The following GALNT17 variants were observed in gnomAD, a reference collection of about 807,000 sequenced individuals.
The protein encoded by GALNT17 is UDP-GalNAc:polypeptide N-acetylgalactosaminyltransferase-like 3.
GALNT17 carries 29 observed loss-of-function variants against 63.7 expected under a neutral mutation model. The ratio of observed to expected loss-of-function variants is 0.46; its 90% CI spans 0.34 to 0.62. GALNT17 has a LOEUF of 0.62. Ranked by LOEUF, GALNT17 falls within the 20% of genes least tolerant of loss-of-function variation. GALNT17 has a pLI of 0.01. For missense variants in GALNT17, 603 were observed against 799.6 expected (o/e 0.75, Z 2.97); for synonymous variants, 305 against 318.3 (o/e 0.96, Z 0.45).
chr7:71,280,391 G>A (rs1790759123), intron 1 of GALNT17, among the ~76,000 whole-genome samples: 1 of 152,110 alleles, frequency 6.6e-6, no homozygotes, highest in African/African-American at 2.4e-5. Flanking sequence ...TGTGGCATAG[G>A]GGATTATGTC....
chr7:71,638,852 G>T (rs539102301), intron 6 of GALNT17, among the ~76,000 whole-genome samples: 2 of 152,248 alleles, frequency 1.3e-5, no homozygotes, highest in East Asian at 1.9e-4. Flanking sequence ...ACATCGCATG[G>T]TCTCACTTAT....
At chr7:71,671,982 C>T (rs888828833) in intron 8 of GALNT17, among the ~76,000 whole-genome samples, 2 of 143,894 alleles carry the variant, frequency 1.4e-5, no homozygotes, top group Admixed American at 7.3e-5. Context: ...GAGCTGAGAT[C>T]GCGCCACTGC....
At chr7:71,532,258 A>G (rs1238402414) in intron 5 of GALNT17, among the ~76,000 whole-genome samples, 2 of 152,130 alleles carry the variant, frequency 1.3e-5, no homozygotes, top group Non-Finnish European at 2.9e-5. Flanking sequence ...GCATAGCTCA[A>G]TCTAATCAGA....
At chr7:71,475,889 C>T (rs969872329) in intron 5 of GALNT17, among the ~76,000 whole-genome samples, 6 of 152,154 alleles carry the variant, frequency 3.9e-5, no homozygotes, top group Non-Finnish European at 8.8e-5. Context: ...ACAGTTTTTC[C>T]TGACAATTTT....
intron 9 of GALNT17, among the ~76,000 whole-genome samples, chr7:71,679,562 G>C (rs1307456802): frequency 6.6e-6 from 1 of 152,132 alleles, no homozygotes; most frequent in East Asian, 1.9e-4. Context: ...CTAGAAAAGA[G>C]GCAAGAAATC....
At chr7:71,199,087 C>T (rs954312802) in intron 1 of GALNT17, among the ~76,000 whole-genome samples, 2 of 152,114 alleles carry the variant, frequency 1.3e-5, no homozygotes, top group African/African-American at 4.8e-5. Flanking sequence ...ATAACCGGGC[C>T]GTGGCTGAGA....
intron 3 of GALNT17, among the ~76,000 whole-genome samples, chr7:71,407,167 T>G (rs1333638644): frequency 6.6e-6 from 1 of 152,156 alleles, no homozygotes; most frequent in African/African-American, 2.4e-5. Flanking sequence ...CATCCAGTCT[T>G]GAAGAGCTCA....
chr7:71,296,448 C>G (rs1369023572), intron 1 of GALNT17, among the ~76,000 whole-genome samples: 3 of 151,988 alleles, frequency 2.0e-5, no homozygotes, highest in African/African-American at 4.8e-5. Flanking sequence ...AACCCCGTCT[C>G]TACTAAAAAT....
chr7:71,362,740 C>T (rs2527296), intron 2 of GALNT17, among the ~76,000 whole-genome samples: 4,744 of 152,082 alleles, frequency 0.031, 245 homozygotes, highest in African/African-American at 0.11. Context: ...TTACGGGAAA[C>T]GCTCCACCTA....
chr7:71,217,488 T>G (rs1336222294), intron 1 of GALNT17, among the ~76,000 whole-genome samples: 1 of 152,202 alleles, frequency 6.6e-6, no homozygotes, highest in Non-Finnish European at 1.5e-5. Context: ...AGGTTGCTTT[T>G]ATCTAGGGAT....
intron 2 of GALNT17, among the ~76,000 whole-genome samples, chr7:71,377,913 C>T (rs929749532): frequency 6.6e-6 from 1 of 152,164 alleles, no homozygotes; most frequent in Non-Finnish European, 1.5e-5. Context: ...CTGAGGCCTT[C>T]CAAGCCATGT....
chr7:71,403,842 T>C (rs1793282359), intron 3 of GALNT17, among the ~76,000 whole-genome samples: 1 of 152,190 alleles, frequency 6.6e-6, no homozygotes, highest in African/African-American at 2.4e-5. Flanking sequence ...TCTGTTTTGC[T>C]CTCTCTTTAA....
chr7:71,301,499 G>C (rs1179027588), intron 1 of GALNT17, among the ~76,000 whole-genome samples: 1 of 150,390 alleles, frequency 6.6e-6, no homozygotes, highest in African/African-American at 2.4e-5. Context: ...ATTATTGATA[G>C]AGAGGGATTT....
chr7:71,708,185 T>G (rs1188670614), intron 9 of GALNT17, among the ~76,000 whole-genome samples: 1 of 152,206 alleles, frequency 6.6e-6, no homozygotes, highest in East Asian at 1.9e-4. Flanking sequence ...ATTAGTCCAG[T>G]CTTATGCTGT....
chr7:71,562,102 C>G (rs142787524), intron 5 of GALNT17, among the ~76,000 whole-genome samples: 1 of 151,986 alleles, frequency 6.6e-6, no homozygotes, highest in African/African-American at 2.4e-5. Context: ...AATACAGGTG[C>G]GCACCACCAT....
chr7:71,461,450 A>G (rs1294483825), intron 5 of GALNT17, among the ~76,000 whole-genome samples: 1 of 152,222 alleles, frequency 6.6e-6, no homozygotes, highest in Non-Finnish European at 1.5e-5. Flanking sequence ...TTCTATGGGA[A>G]GTATTCTAAA....
At chr7:71,288,048 CA>C (rs35168193) in intron 1 of GALNT17, among the ~76,000 whole-genome samples, 2,604 of 86,126 alleles carry the variant, frequency 0.03, 75 homozygotes, top group African/African-American at 0.077. Context: ...GAGACTGTCT[CA>C]AAAAAAAAAA....
At chr7:71,695,842 A>G (rs1791532492) in intron 9 of GALNT17, among the ~76,000 whole-genome samples, 1 of 152,106 alleles carries the variant, frequency 6.6e-6, no homozygotes, top group South Asian at 2.1e-4. Context: ...CATGCCTGGG[A>G]CTGGGTCCTT....
Position 71,542,717 on chromosome 7 carries a change from C to T in GALNT17, c.963-28568C>T, listed in dbSNP as rs1208016566. Reference sequence around the variant, plus strand: ...TGTCAAAAAAAAAAAAAAAAGATAACGATAATCTGGAAGCAGTGATGGAAA... The same window carrying T: ...TGTCAAAAAAAAAAAAAAAAGATAATGATAATCTGGAAGCAGTGATGGAAA... On this transcript the variant is annotated intron_variant, in intron 5 of 10. Coordinates refer to ENST00000333538, the MANE Select transcript of GALNT17 (RefSeq NM_022479.3). 2.2e-5 allele frequency among the ~76,000 whole-genome samples: 3 copies of T among 137,672 alleles called. No individual in the cohort carries two copies. In the Admixed American group the frequency reaches 2.2e-4, roughly 10 times the overall value. 90.3% of individuals were successfully genotyped at this position (137,672 alleles called of 152,430 possible).
Sources: allele counts gnomAD v4.1 joint callset (sites outside exome capture counted in the v4.1 genomes callset), GRCh38; gene constraint gnomAD v4.1.1; transcripts MANE v1.5; gene names NCBI Gene and HGNC (gene_info 2026-07-23, HGNC 2026-07-21).